BTBD8: variants seen among roughly 807,000 people sequenced by gnomAD.
BTBD8 encodes BTB domain containing 8, also known as BTB/POZ domain-containing protein 8.
A neutral mutation model predicts 162.9 loss-of-function variants in BTBD8; 110 were observed. The observed-to-expected ratio is 0.68, with a 90% CI of 0.58 to 0.79. The LOEUF (loss-of-function observed/expected upper bound fraction) is 0.79. BTBD8 is among the 30% of genes least tolerant of loss of function. BTBD8 has a pLI of 0.00. For missense variants in BTBD8, 1,905 were observed against 2,085.4 expected (o/e 0.91, Z 1.68); for synonymous variants, 667 against 716.1 (o/e 0.93, Z 1.10).
intron 13 of BTBD8, among the ~76,000 whole-genome samples, chr1:92,172,118 A>G (rs1650564193): frequency 6.6e-6 from 1 of 152,106 alleles, no homozygotes; most frequent in Non-Finnish European, 1.5e-5. Flanking sequence ...TTTAATTCAC[A>G]TAATGTATTT....
chr1:92,142,955 T>A (rs1025539972), intron 7 of BTBD8, among the ~76,000 whole-genome samples: 1 of 152,188 alleles, frequency 6.6e-6, no homozygotes, highest in Non-Finnish European at 1.5e-5. Context: ...GAGCAGGAGA[T>A]CAGACCATGC....
intron 1 of BTBD8, among the ~76,000 whole-genome samples, chr1:92,086,908 G>C (rs1351870336): frequency 2.6e-5 from 4 of 152,124 alleles, no homozygotes; most frequent in African/African-American, 7.2e-5. Context: ...TACCTATCCT[G>C]TGGTATTCTG....
chr1:92,097,260 C>G (rs531802903), intron 2 of BTBD8, among the ~76,000 whole-genome samples: 1 of 152,112 alleles, frequency 6.6e-6, no homozygotes, highest in Non-Finnish European at 1.5e-5. Context: ...CCTGACCTGC[C>G]TTCACTTTCA....
rs571289602 is a variant in BTBD8 at position 92,139,652 on chromosome 1, A to G, written c.833+222A>G. The G allele has an allele frequency of 3.5e-6, 3 of 857,340 alleles. No individual in the cohort carries two copies. The African/African-American group carries it at 7.0e-5, about 20-fold the overall frequency. 53.1% of individuals were successfully genotyped at this position (857,340 alleles called of 1,614,324 possible). A position where few individuals can be genotyped will look rare whatever the true frequency, so the allele number is the denominator to read the frequency against. On this transcript the variant is annotated intron_variant, in intron 6 of 17. Transcript: ENST00000636805. ...AGTAATAAGATTGAGAACAGTCTTT[A>G]TTAGACTTAAATTTAGAAGAAGCTA...
At chr1:92,148,337 A>G (rs1402285173) in intron 9 of BTBD8, among the ~76,000 whole-genome samples, 1 of 152,200 alleles carries the variant, frequency 6.6e-6, no homozygotes, top group Non-Finnish European at 1.5e-5. Flanking sequence ...TATTCCACAC[A>G]GCATCACTTC....
At chr1:92,088,032 A>G (rs144705129) in intron 1 of BTBD8, among the ~76,000 whole-genome samples, 3 of 152,338 alleles carry the variant, frequency 2.0e-5, no homozygotes, top group African/African-American at 7.2e-5. Flanking sequence ...TACAAGAACT[A>G]TATCTGTACA....
chr1:92,179,940 G>C (rs751508814), intron 16 of BTBD8, among the ~76,000 whole-genome samples: 34 of 151,866 alleles, frequency 2.2e-4, no homozygotes, highest in Non-Finnish European at 4.0e-4. Context: ...AAGAAAATCC[G>C]ATTTTTTCAC....
intron 4 of BTBD8, among the ~76,000 whole-genome samples, chr1:92,124,065 G>T (rs1649285250): frequency 6.6e-6 from 1 of 152,134 alleles, no homozygotes; most frequent in African/African-American, 2.4e-5. Context: ...GTTCCAATTT[G>T]TGTGAAGATT....
chr1:92,119,383 T>A (rs1408831616), intron 4 of BTBD8, among the ~76,000 whole-genome samples: 1 of 148,834 alleles, frequency 6.7e-6, no homozygotes, highest in Non-Finnish European at 1.5e-5. Flanking sequence ...CCTCTCTAGC[T>A]CCAGTGATCC....
chr1:92,175,109 G>A (rs945616264), intron 13 of BTBD8, among the ~76,000 whole-genome samples: 1 of 151,926 alleles, frequency 6.6e-6, no homozygotes, highest in Non-Finnish European at 1.5e-5. Context: ...GATGAAGAGA[G>A]CACAGGCTCT....
intron 5 of BTBD8, among the ~76,000 whole-genome samples, chr1:92,131,472 C>G (rs1464751765): frequency 6.6e-6 from 1 of 152,030 alleles, no homozygotes; most frequent in Non-Finnish European, 1.5e-5. Context: ...ACCTGTAATC[C>G]CAGCATTTCA....
At chr1:92,165,080 C>T (rs958651771) in intron 9 of BTBD8, among the ~76,000 whole-genome samples, 1 of 149,288 alleles carries the variant, frequency 6.7e-6, no homozygotes, top group Non-Finnish European at 1.5e-5. Context: ...ATGTTCAAGC[C>T]ACTACATTCC....
At chr1:92,080,929 A>G (rs1647994811) in intron 1 of BTBD8, among the ~76,000 whole-genome samples, 1 of 152,178 alleles carries the variant, frequency 6.6e-6, no homozygotes, top group Admixed American at 6.5e-5. Context: ...CCTCGACACC[A>G]TGTACCAGAT....
intron 4 of BTBD8, 65 bp downstream of exon 4, chr1:92,108,066 C>G (rs1027649770): frequency 4.9e-6 from 7 of 1,420,662 alleles, no homozygotes; most frequent in Non-Finnish European, 6.9e-6. Flanking sequence ...GCAGCTGTCT[C>G]TTACCAGCAC....
chr1:92,119,225 T>G (rs1385872202), intron 4 of BTBD8, among the ~76,000 whole-genome samples: 1 of 151,938 alleles, frequency 6.6e-6, no homozygotes, highest in East Asian at 1.9e-4. Context: ...TTTTTACTCT[T>G]TTGTAATCAC....
chr1:92,124,705 C>T (rs1332405621), intron 4 of BTBD8, among the ~76,000 whole-genome samples: 3 of 152,160 alleles, frequency 2.0e-5, no homozygotes, highest in Non-Finnish European at 2.9e-5. Flanking sequence ...GCTAGAGCAA[C>T]ATAGTAAGAC....
intron 2 of BTBD8, 97 bp downstream of exon 2, chr1:92,088,992 C>T: frequency 8.6e-7 from 1 of 1,159,012 alleles, no homozygotes; most frequent in Non-Finnish European, 1.2e-6. Context: ...ATTTTGTAAC[C>T]TGATAAGAAA....
At chr1:92,139,626 C>A (rs1446464805) in intron 6 of BTBD8, 196 bp downstream of exon 6, 2 of 1,127,938 alleles carry the variant, frequency 1.8e-6, no homozygotes, top group African/African-American at 3.4e-5. Flanking sequence ...TATCAACTCA[C>A]AGTAATAAGA....
chr1:92,101,240 G>A (rs1331728641), intron 2 of BTBD8, among the ~76,000 whole-genome samples: 1 of 152,004 alleles, frequency 6.6e-6, no homozygotes, highest in East Asian at 1.9e-4. Context: ...ATTCTGAGTT[G>A]TCATTTTCAG....
Sources: gnomAD v4.1 joint callset for allele counts (sites outside exome capture counted in the v4.1 genomes callset) on GRCh38, gnomAD v4.1.1 for gene constraint, MANE v1.5 for transcripts, NCBI Gene and HGNC (gene_info 2026-07-23, HGNC 2026-07-21) for gene names.